MRPS25: variants seen among roughly 807,000 people sequenced by gnomAD.
MRPS25 encodes mitochondrial ribosomal protein S25, also known as small ribosomal subunit protein mS25.
Under a neutral mutation model 17.3 loss-of-function variants are expected in MRPS25, and 15 were observed. The ratio of observed to expected loss-of-function variants is 0.87; its 90% CI spans 0.58 to 1.34. The LOEUF is 1.34. Ranked by LOEUF, MRPS25 falls within the 40% of genes most tolerant of loss-of-function variation. The pLI is 0.00. For missense variants in MRPS25, 225 were observed against 218.6 expected, an observed-to-expected ratio of 1.03 and a Z score of -0.19; for synonymous variants, 94 against 83.3, an observed-to-expected ratio of 1.13 and a Z score of -0.70.
rs561937199 is a variant in MRPS25, at chr3:15,049,901, A to T, written c.*2540T>A. 5 of 1,530,908 alleles carry T rather than the reference A, an allele frequency of 3.3e-6. No individual in the cohort carries two copies. The highest frequency in any genetic ancestry group is 4.4e-6 in the Non-Finnish European group (5 of 1,144,030). 94.8% of individuals were successfully genotyped at this position (1,530,908 alleles called of 1,614,324 possible). ...TCCTGAGTAACTGGGACCACAGCAGATGATACAGGTTTAGATGGTGCTGCC... is the reference window on the plus strand; with the variant it reads ...TCCTGAGTAACTGGGACCACAGCAGTTGATACAGGTTTAGATGGTGCTGCC... On this transcript the variant is annotated 3_prime_UTR_variant, in exon 4 of 4. Transcript: ENST00000253686.
rs73141232 is a variant in MRPS25, at chr3:15,064,986, C to T, written c.134+75G>A. On this transcript the variant is annotated intron_variant, in intron 1 of 3. Coordinates refer to ENST00000253686, the MANE Select transcript of MRPS25 (RefSeq NM_022497.5). The stretch of plus-strand genomic sequence containing the variant: ...GGATGAACGGCCGCCCAGAGCGACT[C>T]GGGACCTCACGTTACCAGCAGGCTG... 4.2e-3 allele frequency: 6,442 copies of T among 1,525,676 alleles called. 230 individuals carry two copies. The African/African-American group carries it at 0.078, about 19-fold the overall frequency. 94.5% of individuals were successfully genotyped at this position (1,525,676 alleles called of 1,614,324 possible).
At position 15,050,241 on chromosome 3, in the gene MRPS25, C is replaced by T; in HGVS notation, c.*2200G>A. On this transcript the variant is annotated 3_prime_UTR_variant, in exon 4 of 4. Coordinates refer to ENST00000253686, the MANE Select transcript of MRPS25 (RefSeq NM_022497.5). ...CACAGGCAGTAACTGCACCACAGGA[C>T]TGCTGCTGTCTCCACACGTCCTTTC... is the stretch of plus-strand genomic sequence containing the variant. 1 of 1,147,292 alleles carries T rather than the reference C, an allele frequency of 8.7e-7. No homozygotes were observed. Among genetic ancestry groups the T allele is most frequent in the Non-Finnish European group, 1.1e-6 (1 of 931,880 alleles). 71.1% of individuals were successfully genotyped at this position (1,147,292 alleles called of 1,614,324 possible).
At chr3:15,059,925 A>C (rs2042727440) in intron 1 of MRPS25, among the ~76,000 whole-genome samples, 1 of 151,956 alleles carries the variant, frequency 6.6e-6, no homozygotes, top group Non-Finnish European at 1.5e-5. Flanking sequence ...GAGTGGAGGA[A>C]CACCTTTAAA....
chr3:15,051,774 G>A lies in MRPS25; in HGVS notation c.*667C>T. 1.0e-6 allele frequency: 1 copy of A among 985,476 alleles called. No individual in the cohort carries two copies. Among genetic ancestry groups the A allele is most frequent in the Non-Finnish European group, 1.2e-6 (1 of 830,006 alleles). The allele number at this position is 985,476 out of a possible 1,614,324, so 61.0% of individuals were successfully genotyped here. On this transcript the variant is annotated 3_prime_UTR_variant, in exon 4 of 4. Transcript: ENST00000253686. ...ACAAACCTCCCTGCTAATGCACACAGTGGCTGGGCCATGGGTTGGCAGTGG... is the reference window on the plus strand; with the variant it reads ...ACAAACCTCCCTGCTAATGCACACAATGGCTGGGCCATGGGTTGGCAGTGG...
chr3:15,064,153 C>T (rs2125139925), intron 1 of MRPS25, among the ~76,000 whole-genome samples: 1 of 152,296 alleles, frequency 6.6e-6, no homozygotes, highest in East Asian at 1.9e-4. Context: ...CACCCAAGTC[C>T]CAAAGTTTCT....
At chr3:15,061,358 G>C (rs2042753657) in intron 1 of MRPS25, among the ~76,000 whole-genome samples, 1 of 152,168 alleles carries the variant, frequency 6.6e-6, no homozygotes, top group Admixed American at 6.5e-5. Context: ...TGCGATTGCA[G>C]GCGCGCGCTG....
At position 15,065,315 on chromosome 3, in the gene MRPS25, C is replaced by A. The variant is rs2125141046; in HGVS notation, c.-121G>T. 7.3e-7 allele frequency: 1 copy of A among 1,379,080 alleles called. No individual in the cohort carries two copies. The highest frequency in any genetic ancestry group is 1.5e-5 in the South Asian group (1 of 65,644). 85.4% of individuals were successfully genotyped at this position (1,379,080 alleles called of 1,614,324 possible). On this transcript the variant is annotated 5_prime_UTR_variant, in exon 1 of 4. Coordinates refer to ENST00000253686, the MANE Select transcript of MRPS25 (RefSeq NM_022497.5). ...CCCCAGAGCCAGGTTCCACTTCCCG[C>A]GCAGACGCACAGGAGACGCTTCCCG...
chr3:15,064,286 G>A (rs979518387), intron 1 of MRPS25, among the ~76,000 whole-genome samples: 1 of 152,120 alleles, frequency 6.6e-6, no homozygotes, highest in Non-Finnish European at 1.5e-5. Flanking sequence ...ACTGCTTAGG[G>A]CTGCCTCAGG....
rs761271955 is a variant in MRPS25 at position 15,050,617 on chromosome 3, T to C, written c.*1824A>G. The C allele has an allele frequency of 2.0e-5, 20 of 985,262 alleles. No individual in the cohort carries two copies. The highest frequency in any genetic ancestry group is 4.7e-5 in the South Asian group (1 of 21,278). 61.0% of individuals were successfully genotyped at this position (985,262 alleles called of 1,614,324 possible). A position where few individuals can be genotyped will look rare whatever the true frequency, so the allele number is the denominator to read the frequency against. On this transcript the variant is annotated 3_prime_UTR_variant, in exon 4 of 4. Transcript: ENST00000253686. ...GGTGGGGAACTGAAACCAGCAGACA[T>C]GGGAGGGCTCTCTGTGGAGGAGAGC...
At chr3:15,064,972 C>T (rs1404909798) in intron 1 of MRPS25, 89 bp downstream of exon 1, 3 of 1,488,952 alleles carry the variant, frequency 2.0e-6, no homozygotes, top group East Asian at 2.5e-5. Flanking sequence ...GATGAACGGC[C>T]GCCCAGAGCG....
At chr3:15,044,967 A>T (rs945002829), downstream of MRPS25, 3 of 152,164 alleles carry the variant, frequency 2.0e-5, no homozygotes, top group Non-Finnish European at 4.4e-5. Context: ...AATTTTGGAG[A>T]GTAGTGGGAG....
chr3:15,050,481 G>C lies in MRPS25; in HGVS notation c.*1960C>G, dbSNP rs571773252. On this transcript the variant is annotated 3_prime_UTR_variant, in exon 4 of 4. Coordinates refer to ENST00000253686, the MANE Select transcript of MRPS25 (RefSeq NM_022497.5). Reference sequence around the variant, plus strand: ...GGCTTTGTGTGTCACTAGCTATGGAGACCTACACTGCAGATGAAAGCCAAA... The same window carrying C: ...GGCTTTGTGTGTCACTAGCTATGGACACCTACACTGCAGATGAAAGCCAAA... The C allele has an allele frequency of 8.1e-6, 8 of 987,058 alleles. No individual in the cohort carries two copies. The African/African-American group carries it at 1.4e-4, about 17-fold the overall frequency. The allele number at this position is 987,058 out of a possible 1,614,324, so 61.1% of individuals were successfully genotyped here. A position where few individuals can be genotyped will look rare whatever the true frequency, so the allele number is the denominator to read the frequency against.
chr3:15,049,935 C>T lies in MRPS25; in HGVS notation c.*2506G>A, dbSNP rs1294924795. ...GTTTAGATGGTGCTGCCAGGTAGTG[C>T]CTCAAAGAGAAGAAAAGTGGTCACT... is the stretch of plus-strand genomic sequence containing the variant. On this transcript the variant is annotated 3_prime_UTR_variant, in exon 4 of 4. Coordinates refer to ENST00000253686, the MANE Select transcript of MRPS25 (RefSeq NM_022497.5). 9 of 1,530,226 alleles carry T rather than the reference C, an allele frequency of 5.9e-6. No individual in the cohort carries two copies. The highest frequency in any genetic ancestry group is 7.9e-6 in the Non-Finnish European group (9 of 1,145,338). 94.8% of individuals were successfully genotyped at this position (1,530,226 alleles called of 1,614,324 possible). A position where few individuals can be genotyped will look rare whatever the true frequency, so the allele number is the denominator to read the frequency against.
intron 2 of MRPS25, among the ~76,000 whole-genome samples, chr3:15,058,291 A>G (rs2042699402): frequency 1.3e-5 from 2 of 151,642 alleles, no homozygotes; most frequent in Admixed American, 1.3e-4. Flanking sequence ...CCAGGTTCAC[A>G]CCATTCTCCT....
At position 15,050,854 on chromosome 3, in the gene MRPS25, T is replaced by C. The variant is rs2042593511; in HGVS notation, c.*1587A>G. ...GCATCAAATGTAAAAGATCCAAATC[T>C]GCTCAATTTAATGTGATAATCTCCA... On this transcript the variant is annotated 3_prime_UTR_variant, in exon 4 of 4. Coordinates refer to ENST00000253686, the MANE Select transcript of MRPS25 (RefSeq NM_022497.5). 1 of 985,144 alleles carries C rather than the reference T, an allele frequency of 1.0e-6. No homozygotes were observed. The highest frequency in any genetic ancestry group is 1.1e-4 in the East Asian group (1 of 8,820). 61.0% of individuals were successfully genotyped at this position (985,144 alleles called of 1,614,324 possible).
Position 15,051,634 on chromosome 3 carries a change from C to CGG in MRPS25, c.*806_*807insCC, listed in dbSNP as rs1352083283. On this transcript the variant is annotated 3_prime_UTR_variant, in exon 4 of 4. Coordinates refer to ENST00000253686, the MANE Select transcript of MRPS25 (RefSeq NM_022497.5). ...CTCAGTAATGCAGCACTCCCTCCTC[C>CGG]AGAGCTTGGTAAGCAGGGCCTGAGG... 7 of 985,658 alleles carry CGG rather than the reference C, an allele frequency of 7.1e-6. No individual in the cohort carries two copies. In the African/African-American group the frequency reaches 1.0e-4, roughly 15 times the overall value. 61.1% of individuals were successfully genotyped at this position (985,658 alleles called of 1,614,324 possible).
At chr3:15,058,675 G>A (rs1174027092) in intron 2 of MRPS25, among the ~76,000 whole-genome samples, 1 of 152,176 alleles carries the variant, frequency 6.6e-6, no homozygotes, top group Non-Finnish European at 1.5e-5. Flanking sequence ...GTTTCCTGAA[G>A]CATTTCCCAA....
chr3:15,064,961 G>A, intron 1 of MRPS25, 100 bp downstream of exon 1: 1 of 1,451,190 alleles, frequency 6.9e-7, no homozygotes, highest in Non-Finnish European at 9.2e-7. Flanking sequence ...CCCGCCCCGG[G>A]GATGAACGGC....
At chr3:15,064,959 G>T in intron 1 of MRPS25, 102 bp downstream of exon 1, 2 of 1,440,052 alleles carry the variant, frequency 1.4e-6, no homozygotes, top group Non-Finnish European at 1.9e-6. Flanking sequence ...GGCCCGCCCC[G>T]GGGATGAACG....
Sources: allele counts gnomAD v4.1 joint callset (sites outside exome capture counted in the v4.1 genomes callset), GRCh38; gene constraint gnomAD v4.1.1; transcripts MANE v1.5; gene names NCBI Gene and HGNC (gene_info 2026-07-23, HGNC 2026-07-21).